The following SOX5 variants were observed in gnomAD, a reference collection of about 807,000 sequenced individuals.
SOX5 encodes the protein SRY-box transcription factor 5.
Under a neutral mutation model 92.0 loss-of-function variants are expected in SOX5, and 9 were observed. That is an observed-to-expected ratio of 0.10 (90% CI 0.06 to 0.17). The LOEUF is 0.17. Among genes scored for constraint, SOX5 ranks in the 10% least tolerant of loss-of-function variants. SOX5 has a pLI of 1.00. For missense variants in SOX5, 642 were observed against 944.5 expected, an observed-to-expected ratio of 0.68 and a Z score of 4.20; for synonymous variants, 344 against 336.3, an observed-to-expected ratio of 1.02 and a Z score of -0.25.
At chr12:23,693,589 T>C in intron 6 of SOX5, among the ~76,000 whole-genome samples, 1 of 152,176 alleles carries the variant, frequency 6.6e-6, no homozygotes, top group Admixed American at 6.5e-5. Context: ...TTTATTAACA[T>C]TATTATGAAG....
In SOX5 at chr12:24,037,906, G is replaced by C. The variant is rs115768646; in HGVS notation, c.-1-141882C>G. Among the ~76,000 whole-genome samples, 392 of 152,098 alleles carry C rather than the reference G, an allele frequency of 2.6e-3. 3 individuals carry two copies. The highest frequency in any genetic ancestry group is 9.0e-3 in the African/African-American group (373 of 41,508). On this transcript the variant is annotated intron_variant, in intron 4 of 4. Transcript: ENST00000446891. ...CGGGCCAGTTGCAATTTTTTACACA[G>C]AACACTGATGAAGATAGTAACCGAA...
At chr12:23,999,689 C>T (rs993441539) in intron 4 of SOX5, among the ~76,000 whole-genome samples, 5 of 151,906 alleles carry the variant, frequency 3.3e-5, no homozygotes, top group African/African-American at 1.2e-4. Flanking sequence ...AAGACAATTA[C>T]ATAAAGCAAT....
chr12:23,920,989 T>C (rs1011595831), intron 1 of SOX5, among the ~76,000 whole-genome samples: 4 of 152,214 alleles, frequency 2.6e-5, no homozygotes, highest in African/African-American at 9.6e-5. Context: ...ATTTTCTTCA[T>C]TTCTATATTC....
At chr12:24,451,092 C>G (rs1463036093) in intron 1 of SOX5, among the ~76,000 whole-genome samples, 2 of 152,196 alleles carry the variant, frequency 1.3e-5, no homozygotes, top group African/African-American at 4.8e-5. Flanking sequence ...TAATGACCTC[C>G]AGTTCCATCT....
chr12:24,001,099 T>A (rs1263988812), intron 4 of SOX5, among the ~76,000 whole-genome samples: 1 of 152,138 alleles, frequency 6.6e-6, no homozygotes, highest in Non-Finnish European at 1.5e-5. Context: ...AACTAGATTT[T>A]AAAAAAATTG....
At chr12:24,204,453 T>C (rs867140717) in intron 4 of SOX5, among the ~76,000 whole-genome samples, 7 of 151,980 alleles carry the variant, frequency 4.6e-5, no homozygotes, top group African/African-American at 9.7e-5. Flanking sequence ...CTCGGCTTCC[T>C]GAGTAACTGG....
chr12:23,905,012 A>C (rs2097276978), intron 1 of SOX5, among the ~76,000 whole-genome samples: 1 of 152,160 alleles, frequency 6.6e-6, no homozygotes, highest in Non-Finnish European at 1.5e-5. Flanking sequence ...AGAAAAACAA[A>C]AGCAAGTTGA....
intron 2 of SOX5, among the ~76,000 whole-genome samples, chr12:24,360,719 G>A (rs1283945996): frequency 6.6e-5 from 10 of 152,172 alleles, no homozygotes; most frequent in Non-Finnish European, 1.3e-4. Context: ...AAAGTGAGCT[G>A]TTCTAAAAAC....
At chr12:23,758,286 G>A (rs1464619653) in intron 3 of SOX5, among the ~76,000 whole-genome samples, 1 of 151,652 alleles carries the variant, frequency 6.6e-6, no homozygotes. Context: ...TAACATCCAT[G>A]TTACGGGTTT....
At chr12:24,395,892 C>A (rs1193973518) in intron 1 of SOX5, among the ~76,000 whole-genome samples, 1 of 152,206 alleles carries the variant, frequency 6.6e-6, no homozygotes. Context: ...TTCTCTCCCA[C>A]TCCCCTGACA....
intron 11 of SOX5, among the ~76,000 whole-genome samples, chr12:23,559,659 C>T (rs1181951209): frequency 2.0e-5 from 3 of 152,150 alleles, no homozygotes; most frequent in East Asian, 1.9e-4. Flanking sequence ...GGGATAACCA[C>T]GTGGCTGGCT....
At chr12:23,872,292 G>C (rs1159592894) in intron 2 of SOX5, among the ~76,000 whole-genome samples, 1 of 150,726 alleles carries the variant, frequency 6.6e-6, no homozygotes, top group South Asian at 2.1e-4. Context: ...GATTACAGGC[G>C]TGGGCCACCC....
intron 6 of SOX5, among the ~76,000 whole-genome samples, chr12:23,685,418 G>A (rs1466800771): frequency 6.6e-6 from 1 of 151,916 alleles, no homozygotes; most frequent in Admixed American, 6.6e-5. Context: ...AAATCAACAG[G>A]TGAAGACAAA....
intron 4 of SOX5, among the ~76,000 whole-genome samples, chr12:24,078,889 A>G (rs1942982497): frequency 7.2e-5 from 11 of 152,078 alleles, no homozygotes; most frequent in Admixed American, 7.2e-4. Context: ...TAGCAATGAA[A>G]GAATGTTTTA....
chr12:24,031,214 TAC>T (rs1454440132), intron 4 of SOX5, among the ~76,000 whole-genome samples: 16,380 of 151,252 alleles, frequency 0.11, 999 homozygotes, highest in African/African-American at 0.14. Context: ...TATATATATA[TAC>T]ACAAAGGAAA....
chr12:23,918,916 CA>C (rs1467442834), intron 1 of SOX5, among the ~76,000 whole-genome samples: 1 of 139,898 alleles, frequency 7.1e-6, no homozygotes. Context: ...GACTCCATTT[CA>C]AAAAAAAGAA....
chr12:24,061,543 T>G (rs1024390710), intron 4 of SOX5, among the ~76,000 whole-genome samples: 3 of 151,990 alleles, frequency 2.0e-5, no homozygotes, highest in African/African-American at 7.3e-5. Context: ...ACTGCTAAAA[T>G]ACCAATGACA....
chr12:23,808,665 G>A (rs1337291829), intron 3 of SOX5, among the ~76,000 whole-genome samples: 1 of 151,788 alleles, frequency 6.6e-6, no homozygotes, highest in Non-Finnish European at 1.5e-5. Context: ...ATAACTAGTG[G>A]GCATCTTTCC....
intron 3 of SOX5, among the ~76,000 whole-genome samples, chr12:24,226,476 A>G (rs1565697832): frequency 6.6e-6 from 1 of 151,722 alleles, no homozygotes; most frequent in Non-Finnish European, 1.5e-5. Context: ...TTATTTATTT[A>G]TTTATTTATT....
Sources: allele counts gnomAD v4.1 joint callset (sites outside exome capture counted in the v4.1 genomes callset), GRCh38; gene constraint gnomAD v4.1.1; transcripts MANE v1.5; gene names NCBI Gene and HGNC (gene_info 2026-07-23, HGNC 2026-07-21).